The following MLANA variants were observed in gnomAD, a reference collection of about 807,000 sequenced individuals.
The protein encoded by MLANA is melan-A, also known as melanoma antigen recognized by T-cells 1.
Under a neutral mutation model 15.7 loss-of-function variants are expected in MLANA, and 21 were observed. The ratio of observed to expected loss-of-function variants is 1.33; its 90% CI spans 0.95 to 1.92. The LOEUF (loss-of-function observed/expected upper bound fraction) is 1.92. Among genes scored for constraint, MLANA ranks in the 40% most tolerant of loss-of-function variants. MLANA has a pLI of 0.00. For missense variants in MLANA, 164 were observed against 143.8 expected (o/e 1.14, Z -0.72); for synonymous variants, 56 against 51.5 (o/e 1.09, Z -0.37).
In MLANA at chr9:5,909,783, A is replaced by G. The variant is rs2130020202; in HGVS notation, c.*1075A>G. On this transcript the variant is annotated 3_prime_UTR_variant, in exon 5 of 5. Transcript: ENST00000381477. ...TCTTGGGTTCCCAAATCCCTCTCAC[A>G]AGAATGTGCAGAAGAAATCATAAAG... The G allele has an allele frequency of 6.6e-6, 1 of 152,328 alleles. No individual in the cohort carries two copies. The highest frequency in any genetic ancestry group is 6.5e-5 in the Admixed American group (1 of 15,298). The allele number at this position is 152,328 out of a possible 1,614,324, so 9.4% of individuals were successfully genotyped here.
At chr9:5,905,546 C>T (rs1400606757) in intron 3 of MLANA, among the ~76,000 whole-genome samples, 2 of 152,130 alleles carry the variant, frequency 1.3e-5, no homozygotes, top group African/African-American at 2.4e-5. Flanking sequence ...GTATACTTTC[C>T]AAACTGACTC....
At chr9:5,904,527 C>T (rs977050250) in intron 3 of MLANA, among the ~76,000 whole-genome samples, 24 of 152,216 alleles carry the variant, frequency 1.6e-4, no homozygotes, top group Non-Finnish European at 3.2e-4. Context: ...GGCTGGAGTG[C>T]AGTGGCACGA....
At chr9:5,903,950 T>G (rs1044408063) in intron 3 of MLANA, among the ~76,000 whole-genome samples, 1 of 151,810 alleles carries the variant, frequency 6.6e-6, no homozygotes, top group African/African-American at 2.4e-5. Flanking sequence ...CTCCACTTCC[T>G]GGGTTCAAGT....
At chr9:5,893,743 T>C (rs1831818716) in intron 2 of MLANA, among the ~76,000 whole-genome samples, 1 of 152,150 alleles carries the variant, frequency 6.6e-6, no homozygotes, top group Non-Finnish European at 1.5e-5. Flanking sequence ...GCCTGTTCGT[T>C]TTCTTCTTGC....
intron 3 of MLANA, among the ~76,000 whole-genome samples, chr9:5,905,782 C>T (rs1045190398): frequency 2.6e-5 from 4 of 152,208 alleles, no homozygotes; most frequent in Non-Finnish European, 5.9e-5. Flanking sequence ...CCTACAATTC[C>T]TGTCTTCCTG....
intron 3 of MLANA, among the ~76,000 whole-genome samples, chr9:5,903,509 T>C (rs1288823008): frequency 6.6e-6 from 1 of 152,238 alleles, no homozygotes; most frequent in Non-Finnish European, 1.5e-5. Flanking sequence ...ATTAGGGTAA[T>C]GTTGGCCTCA....
chr9:5,905,745 C>A (rs955128376), intron 3 of MLANA, among the ~76,000 whole-genome samples: 9 of 152,294 alleles, frequency 5.9e-5, no homozygotes, highest in African/African-American at 2.2e-4. Flanking sequence ...CAATGTATAC[C>A]TTCCGTGTAT....
chr9:5,898,240 G>A (rs1437452243), intron 3 of MLANA: 1 of 152,800 alleles, frequency 6.5e-6, no homozygotes, highest in African/African-American at 2.4e-5. Context: ...GTAGAGACGA[G>A]GTCCCACTAT....
At chr9:5,892,160 AT>A (rs565819782) in intron 1 of MLANA, among the ~76,000 whole-genome samples, 21 of 152,336 alleles carry the variant, frequency 1.4e-4, no homozygotes, top group African/African-American at 4.6e-4. Flanking sequence ...CAAATGAGGA[AT>A]ATTTTTTCAC....
intron 2 of MLANA, among the ~76,000 whole-genome samples, chr9:5,896,998 A>G (rs1203035329): frequency 6.6e-6 from 1 of 152,238 alleles, no homozygotes; most frequent in Non-Finnish European, 1.5e-5. Flanking sequence ...GTTTTGTGCT[A>G]GCTCTGTATG....
intron 2 of MLANA, 119 bp from the exon 3 acceptor site, chr9:5,897,438 C>A (rs992107415): frequency 1.5e-5 from 13 of 884,336 alleles, no homozygotes; most frequent in Non-Finnish European, 1.8e-5. Context: ...TACTTGGACA[C>A]TGGGAGATGC....
Position 5,897,614 on chromosome 9 carries a change from T to C in MLANA, c.135T>C (p.Cys45=), listed in dbSNP as rs775548963. The C allele has an allele frequency of 1.9e-6, 3 of 1,613,824 alleles. No homozygotes were observed. Among genetic ancestry groups the C allele is most frequent in the Non-Finnish European group, 2.5e-6 (3 of 1,179,904 alleles). Reference sequence around the variant, plus strand: ...TGGGAGTCTTACTGCTCATCGGCTGTTGGTATTGTAGAAGACGAAATGGAT... The same window carrying C: ...TGGGAGTCTTACTGCTCATCGGCTGCTGGTATTGTAGAAGACGAAATGGAT... ...VILGVLLLIG[C]WYCRRRNGYR... Residue 45 remains cysteine, a synonymous_variant, in exon 3 of 5, where the codon TGT becomes TGC. Transcript: ENST00000381477.
chr9:5,901,689 T>A (rs1234009350), intron 3 of MLANA, among the ~76,000 whole-genome samples: 3 of 151,998 alleles, frequency 2.0e-5, no homozygotes, highest in African/African-American at 7.2e-5. Flanking sequence ...TGGCTAAATT[T>A]TTTTGTATTT....
intron 3 of MLANA, among the ~76,000 whole-genome samples, chr9:5,902,534 A>T (rs1030489071): frequency 6.6e-6 from 1 of 151,352 alleles, no homozygotes; most frequent in African/African-American, 2.4e-5. Context: ...GCACAATCAT[A>T]GCTCACTGTT....
intron 3 of MLANA, among the ~76,000 whole-genome samples, chr9:5,902,043 C>T (rs1249801659): frequency 6.6e-6 from 1 of 152,038 alleles, no homozygotes; most frequent in Non-Finnish European, 1.5e-5. Context: ...ACAAAGTATT[C>T]CCTTTGCTTC....
In MLANA at chr9:5,908,678, A is replaced by C; in HGVS notation, c.327A>C (p.Ala109=). 1 of 1,614,154 alleles carries C rather than the reference A, an allele frequency of 6.2e-7. No individual in the cohort carries two copies. Among genetic ancestry groups the C allele is most frequent in the Non-Finnish European group, 8.5e-7 (1 of 1,180,006 alleles). ...NAPPAYEKLS[A]EQSPPPYSP is the part of the protein sequence containing the mutation. ...CACCTGCTTATGAGAAACTCTCTGC[A>C]GAACAGTCACCACCACCTTATTCAC... Residue 109 remains alanine (A), a synonymous_variant, in exon 5 of 5, where the codon GCA becomes GCC. Transcript: ENST00000381477.
Position 5,892,549 on chromosome 9 carries a change from AGAGT to A in MLANA, c.76_77+2del. ...ACGGCCACTCTTACACCACGGCTGAAGAGTAAGTTCAAAACCAGACCCAGCAGGG... is the reference window on the plus strand; with the variant it reads ...ACGGCCACTCTTACACCACGGCTGAAAAGTTCAAAACCAGACCCAGCAGGG... On this transcript the variant is annotated splice_donor_variant and coding_sequence_variant, in exon 2 of 5. Coordinates refer to ENST00000381477, the MANE Select transcript of MLANA (RefSeq NM_005511.2). LOFTEE classifies it high-confidence loss of function. 1 of 1,612,492 alleles carries A rather than the reference AGAGT, an allele frequency of 6.2e-7. No homozygotes were observed. Among genetic ancestry groups the A allele is most frequent in the Non-Finnish European group, 8.5e-7 (1 of 1,179,538 alleles).
intron 2 of MLANA, among the ~76,000 whole-genome samples, chr9:5,895,128 T>G (rs536156430): frequency 6.6e-6 from 1 of 152,290 alleles, no homozygotes; most frequent in African/African-American, 2.4e-5. Flanking sequence ...CTTTTGACAT[T>G]TTGCTGTCTG....
At chr9:5,907,565 T>C (rs191024379) in intron 4 of MLANA, among the ~76,000 whole-genome samples, 2 of 152,360 alleles carry the variant, frequency 1.3e-5, no homozygotes, top group Admixed American at 6.5e-5. Context: ...TTGATTCACC[T>C]TGAAATAAAT....
Sources: allele counts gnomAD v4.1 joint callset (sites outside exome capture counted in the v4.1 genomes callset), GRCh38; gene constraint gnomAD v4.1.1; transcripts MANE v1.5; gene names NCBI Gene and HGNC (gene_info 2026-07-23, HGNC 2026-07-21).